Variants in BMPR1A observed in about 807,000 individuals in gnomAD.
The protein encoded by BMPR1A is bone morphogenetic protein receptor type-1A.
A neutral mutation model predicts 66.0 loss-of-function variants in BMPR1A; 7 were observed. That is an observed-to-expected ratio of 0.11 (90% confidence interval 0.06 to 0.20). The LOEUF (loss-of-function observed/expected upper bound fraction) is 0.20, where lower values mean the gene tolerates loss of function less well. Among genes scored for constraint, BMPR1A ranks in the 10% least tolerant of loss-of-function variants. BMPR1A has a pLI of 1.00. For synonymous variants in BMPR1A, 200 were observed against 229.7 expected, an observed-to-expected ratio of 0.87 and a Z score of 1.17; for missense variants, 408 against 669.1, an observed-to-expected ratio of 0.61 and a Z score of 4.31.
chr10:86,837,899 G>A (rs931568739), intron 1 of BMPR1A, among the ~76,000 whole-genome samples: 5 of 152,286 alleles, frequency 3.3e-5, no homozygotes, highest in Middle Eastern at 3.4e-3. Context: ...ATGCTAGACC[G>A]TTTCAGGTTG....
At chr10:86,778,007 C>T (rs539938818) in intron 1 of BMPR1A, among the ~76,000 whole-genome samples, 2 of 114,296 alleles carry the variant, frequency 1.7e-5, no homozygotes, top group South Asian at 5.0e-4. Flanking sequence ...GAGCGAAACT[C>T]AAAAAAAAAA....
At chr10:86,820,337 C>G (rs1842104630) in intron 1 of BMPR1A, among the ~76,000 whole-genome samples, 1 of 152,056 alleles carries the variant, frequency 6.6e-6, no homozygotes, top group African/African-American at 2.4e-5. Flanking sequence ...GCCACTGCAC[C>G]CAGAATCACC....
In BMPR1A at chr10:86,768,994, A is replaced by G. The variant is rs559393985; in HGVS notation, c.-268+12075A>G. ...AGTATTTCTGAGAGAAATAAGCAGGACAGTTCTATCTTAAAATGCAGGTTT... is the reference window on the plus strand; with the variant it reads ...AGTATTTCTGAGAGAAATAAGCAGGGCAGTTCTATCTTAAAATGCAGGTTT... On this transcript the variant is annotated intron_variant, in intron 1 of 12. Transcript: ENST00000372037. 2.6e-5 allele frequency among the ~76,000 whole-genome samples: 4 copies of G among 152,368 alleles called. No homozygotes were observed. In the South Asian group the frequency reaches 6.2e-4, roughly 24 times the overall value.
At position 86,855,574 on chromosome 10, in the gene BMPR1A, C is replaced by G. The variant is rs1376959602; in HGVS notation, c.-153+16595C>G. On this transcript the variant is annotated intron_variant, in intron 2 of 12. Coordinates refer to ENST00000372037, the MANE Select transcript of BMPR1A (RefSeq NM_004329.3). ...AGTATTTCTATTTTTTGAAATAGTACTTTTCAAAAAAGTACTATTTGAAGA... is the reference window on the plus strand; with the variant it reads ...AGTATTTCTATTTTTTGAAATAGTAGTTTTCAAAAAAGTACTATTTGAAGA... 32 of 531,058 alleles carry G rather than the reference C, an allele frequency of 6.0e-5. No individual in the cohort carries two copies. In the Admixed American group the frequency reaches 9.2e-4, roughly 15 times the overall value. 32.9% of individuals were successfully genotyped at this position (531,058 alleles called of 1,614,324 possible).
intron 8 of BMPR1A, among the ~76,000 whole-genome samples, chr10:86,914,527 AATAAG>A (rs1377790615): frequency 1.3e-5 from 2 of 152,210 alleles, no homozygotes; most frequent in Non-Finnish European, 2.9e-5. Flanking sequence ...GCAACTCAAT[AATAAG>A]ATAACCCAAT....
intron 1 of BMPR1A, among the ~76,000 whole-genome samples, chr10:86,765,483 CAAAAAAAA>C (rs34219531): frequency 2.8e-5 from 2 of 70,652 alleles, no homozygotes; most frequent in African/African-American, 1.0e-4. Flanking sequence ...GACTCTGTCT[CAAAAAAAA>C]AAAAAAAAAA....
intron 7 of BMPR1A, among the ~76,000 whole-genome samples, chr10:86,904,776 T>C (rs1046286504): frequency 6.6e-6 from 1 of 152,160 alleles, no homozygotes; most frequent in South Asian, 2.1e-4. Context: ...GAGTGACCTA[T>C]AACACTTCAC....
In BMPR1A at chr10:86,879,289, A is replaced by T. The variant is rs556622799; in HGVS notation, c.67+3204A>T. Among the ~76,000 whole-genome samples, 5 of 152,336 alleles carry T rather than the reference A, an allele frequency of 3.3e-5. No homozygotes were observed. The East Asian group carries it at 9.6e-4, about 29-fold the overall frequency. ...ATCTGTTTGTGTCTCTTTTTAATTG[A>T]TAAATCTTTCCCCATTCACTCACTT... On this transcript the variant is annotated intron_variant, in intron 3 of 12. Coordinates refer to ENST00000372037, the MANE Select transcript of BMPR1A (RefSeq NM_004329.3).
intron 1 of BMPR1A, among the ~76,000 whole-genome samples, chr10:86,790,105 G>T (rs1841578724): frequency 9.0e-6 from 1 of 110,600 alleles, no homozygotes; most frequent in Non-Finnish European, 1.9e-5. Flanking sequence ...GCAGTGAGCC[G>T]AGATCTTGCC....
intron 2 of BMPR1A, among the ~76,000 whole-genome samples, chr10:86,868,615 T>C (rs1044236797): frequency 2.0e-5 from 3 of 152,206 alleles, no homozygotes; most frequent in African/African-American, 7.2e-5. Flanking sequence ...AAGGAGAGTT[T>C]TCTCCTTGCT....
intron 1 of BMPR1A, among the ~76,000 whole-genome samples, chr10:86,759,374 CTTTG>C (rs574135963): frequency 8.5e-5 from 13 of 152,150 alleles, no homozygotes; most frequent in East Asian, 1.9e-4. Context: ...ATTCTCAATT[CTTTG>C]TTTATGTGTC....
chr10:86,893,480 C>A (rs1158027987), intron 5 of BMPR1A, among the ~76,000 whole-genome samples: 2 of 152,144 alleles, frequency 1.3e-5, no homozygotes, highest in Non-Finnish European at 2.9e-5. Flanking sequence ...GAAAATTGTT[C>A]CTATTATTTG....
In BMPR1A at chr10:86,917,165, T is replaced by C. The variant is rs1347027954; in HGVS notation, c.707T>C (p.Met236Thr). 5 of 1,614,114 alleles carry C rather than the reference T, an allele frequency of 3.1e-6. 1 individual carries two copies. In the South Asian group the frequency reaches 4.4e-5, roughly 14 times the overall value. Residue 236 changes from methionine to threonine, a missense_variant, in exon 9 of 13, where the codon ATG becomes ACG. Met to Thr is a moderately conservative substitution (Grantham distance 81). This residue lies in a region of BMPR1A where 174 missense variants were observed against 265.1 expected (regional missense o/e 0.66). Transcript: ENST00000372037. ...CGAACTATTGCCAAACAGATTCAGATGGTCCGGCAAGTTGGTAAAGGCCGA... is the reference window on the plus strand; with the variant it reads ...CGAACTATTGCCAAACAGATTCAGACGGTCCGGCAAGTTGGTAAAGGCCGA... ...VQRTIAKQIQMVRQVGKGRYG... is the reference protein window; with the variant it reads ...VQRTIAKQIQTVRQVGKGRYG...
rs143243935 is a variant in BMPR1A at position 86,850,967 on chromosome 10, C to A, written c.-153+11988C>A. Reference sequence around the variant, plus strand: ...ATTTCTTATGTCATAATATAAAAAACCGGTAAACTTAGCGCTGAACTATTC... The same window carrying A: ...ATTTCTTATGTCATAATATAAAAAAACGGTAAACTTAGCGCTGAACTATTC... On this transcript the variant is annotated intron_variant, in intron 2 of 12. Coordinates refer to ENST00000372037, the MANE Select transcript of BMPR1A (RefSeq NM_004329.3). Among the ~76,000 whole-genome samples the A allele has an allele frequency of 4.5e-3, 684 of 152,230 alleles. 3 individuals are homozygous for A. The highest frequency in any genetic ancestry group is 6.4e-3 in the Non-Finnish European group (438 of 68,004).
intron 2 of BMPR1A, among the ~76,000 whole-genome samples, chr10:86,874,577 T>G (rs774706245): frequency 1.3e-5 from 2 of 151,812 alleles, no homozygotes; most frequent in Non-Finnish European, 2.9e-5. Context: ...GGCTAATTTT[T>G]TTTGTATTTT....
intron 9 of BMPR1A, 107 bp from the exon 10 acceptor site, chr10:86,919,065 C>T: frequency 2.4e-6 from 3 of 1,255,472 alleles, no homozygotes; most frequent in East Asian, 2.3e-5. Flanking sequence ...TAAAGTTTCA[C>T]TATCTGCACA....
chr10:86,883,714 G>A (rs964178066), intron 3 of BMPR1A, among the ~76,000 whole-genome samples: 2 of 151,852 alleles, frequency 1.3e-5, no homozygotes, highest in South Asian at 4.2e-4. Context: ...AGGTTGCAGC[G>A]AGTGGAGATC....
chr10:86,902,001 G>T (rs968426557), intron 7 of BMPR1A, among the ~76,000 whole-genome samples: 1 of 152,040 alleles, frequency 6.6e-6, no homozygotes, highest in Admixed American at 6.5e-5. Context: ...TGGGATTACA[G>T]GTATGCACTG....
chr10:86,903,437 A>G (rs1028364732), intron 7 of BMPR1A, among the ~76,000 whole-genome samples: 1 of 152,128 alleles, frequency 6.6e-6, no homozygotes, highest in Admixed American at 6.5e-5. Context: ...GTAGAAGAAA[A>G]GATGAGTGAA....
Sources: gnomAD v4.1 joint callset for allele counts (sites outside exome capture counted in the v4.1 genomes callset) on GRCh38, gnomAD v4.1.1 for gene constraint, gnomAD v4.1.1 regional missense constraint, MANE v1.5 for transcripts, NCBI Gene and HGNC (gene_info 2026-07-23, HGNC 2026-07-21) for gene names.